The following LMBR1 variants were observed in gnomAD, a reference collection of about 807,000 sequenced individuals.
LMBR1 encodes limb development membrane protein 1.
A neutral mutation model predicts 73.9 loss-of-function variants in LMBR1; 52 were observed. That is an observed-to-expected ratio of 0.70 (90% CI 0.56 to 0.89). The LOEUF (loss-of-function observed/expected upper bound fraction) is 0.89, where lower values mean the gene tolerates loss of function less well. LMBR1 is among the 40% of genes least tolerant of loss of function. The pLI, the probability that LMBR1 is intolerant of heterozygous loss-of-function variation, is 0.00. For synonymous variants in LMBR1, 215 were observed against 209.4 expected (o/e 1.03, Z -0.23); for missense variants, 539 against 579.8 (o/e 0.93, Z 0.72).
At chr7:156,748,863 A>G (rs1167090739) in intron 9 of LMBR1, among the ~76,000 whole-genome samples, 3 of 152,176 alleles carry the variant, frequency 2.0e-5, no homozygotes, top group Non-Finnish European at 4.4e-5. Context: ...AACTCATTCT[A>G]TAGTTCATTA....
chr7:156,859,297 G>A (rs978400568), intron 1 of LMBR1, among the ~76,000 whole-genome samples: 1 of 150,860 alleles, frequency 6.6e-6, no homozygotes, highest in African/African-American at 2.4e-5. Flanking sequence ...TGGAATCAAG[G>A]CAAAGATATC....
intron 1 of LMBR1, among the ~76,000 whole-genome samples, chr7:156,872,643 G>A (rs575022093): frequency 4.8e-4 from 72 of 149,774 alleles, no homozygotes; most frequent in African/African-American, 1.6e-3. Context: ...GCAAAACTCC[G>A]TCTCAAAAAA....
intron 14 of LMBR1, 147 bp downstream of exon 14, chr7:156,725,288 C>G: frequency 1.8e-6 from 1 of 557,886 alleles, no homozygotes; most frequent in Non-Finnish European, 3.3e-6. Context: ...ACTCACTCAG[C>G]ATTTTGAAAA....
chr7:156,824,253 C>T (rs959961732), intron 4 of LMBR1, among the ~76,000 whole-genome samples: 2 of 152,030 alleles, frequency 1.3e-5, no homozygotes, highest in African/African-American at 2.4e-5. Context: ...AATAAGGGAG[C>T]GGTTGGTGTT....
At chr7:156,826,498 A>T in intron 4 of LMBR1, 107 bp downstream of exon 4, 1 of 696,804 alleles carries the variant, frequency 1.4e-6, no homozygotes, top group Non-Finnish European at 2.1e-6. Flanking sequence ...CGTTTACTGG[A>T]GGAAGTCACA....
downstream of LMBR1, among the ~76,000 whole-genome samples, chr7:156,675,101 G>C (rs536476581): frequency 8.5e-4 from 130 of 152,330 alleles, no homozygotes; most frequent in Middle Eastern, 0.014. Flanking sequence ...AGCGCAGACC[G>C]GAAGAGATAG....
At chr7:156,770,300 C>T (rs968755246) in intron 5 of LMBR1, among the ~76,000 whole-genome samples, 17 of 151,898 alleles carry the variant, frequency 1.1e-4, no homozygotes, top group African/African-American at 3.9e-4. Flanking sequence ...ATTACAAGTG[C>T]GCACCACCCT....
chr7:156,675,389 G>A (rs1585133468), downstream of LMBR1, among the ~76,000 whole-genome samples: 1 of 152,150 alleles, frequency 6.6e-6, no homozygotes, highest in East Asian at 1.9e-4. Flanking sequence ...GGTCCCTCCT[G>A]CAGCTGTCAT....
chr7:156,828,821 G>C (rs1051251743), intron 3 of LMBR1, among the ~76,000 whole-genome samples: 1 of 152,108 alleles, frequency 6.6e-6, no homozygotes, highest in Non-Finnish European at 1.5e-5. Flanking sequence ...GTTTCTCTTC[G>C]AATAATCTGA....
intron 4 of LMBR1, among the ~76,000 whole-genome samples, chr7:156,810,924 C>T: frequency 6.6e-6 from 1 of 151,740 alleles, no homozygotes; most frequent in Non-Finnish European, 1.5e-5. Context: ...GATTCTCCTC[C>T]CTCAGCCTCC....
intron 15 of LMBR1, among the ~76,000 whole-genome samples, chr7:156,723,067 C>T (rs1355526088): frequency 1.3e-5 from 2 of 152,044 alleles, no homozygotes; most frequent in Admixed American, 6.6e-5. Flanking sequence ...ATTACAAGTC[C>T]TATAAAGCAA....
chr7:156,834,487 A>G, intron 2 of LMBR1: 1 of 277,364 alleles, frequency 3.6e-6, no homozygotes, highest in Non-Finnish European at 7.1e-6. Flanking sequence ...CCTGTAGTGC[A>G]GGATACTCAG....
chr7:156,787,407 T>G (rs1208825347), intron 5 of LMBR1, among the ~76,000 whole-genome samples: 1 of 152,192 alleles, frequency 6.6e-6, no homozygotes, highest in Non-Finnish European at 1.5e-5. Flanking sequence ...TATATAGTTA[T>G]ATTTTTGACA....
intron 9 of LMBR1, among the ~76,000 whole-genome samples, 197 bp downstream of exon 9, chr7:156,756,196 C>T (rs1821838944): frequency 6.6e-6 from 1 of 152,128 alleles, no homozygotes; most frequent in Admixed American, 6.6e-5. Flanking sequence ...ATGGGTCCTG[C>T]TAGGTTACAG....
intron 1 of LMBR1, among the ~76,000 whole-genome samples, chr7:156,863,104 A>T (rs1337039040): frequency 6.6e-6 from 1 of 152,210 alleles, no homozygotes; most frequent in African/African-American, 2.4e-5. Flanking sequence ...AACTAATAGA[A>T]GATATATATA....
intron 15 of LMBR1, among the ~76,000 whole-genome samples, chr7:156,723,044 A>G (rs1056900550): frequency 5.3e-5 from 8 of 152,166 alleles, no homozygotes; most frequent in Non-Finnish European, 1.0e-4. Flanking sequence ...TCACATAAGC[A>G]GATGTCAAAA....
At chr7:156,892,379 A>T (rs1803184516) in intron 1 of LMBR1, 1 of 152,178 alleles carries the variant, frequency 6.6e-6, no homozygotes, top group Non-Finnish European at 1.5e-5. Context: ...TCCAAACGCG[A>T]GAGGCGGGCG....
intron 5 of LMBR1, among the ~76,000 whole-genome samples, chr7:156,774,484 T>C (rs865940119): frequency 6.6e-6 from 1 of 152,182 alleles, no homozygotes; most frequent in Non-Finnish European, 1.5e-5. Context: ...AAGGGCAGAC[T>C]GAATGAAGAA....
At chr7:156,764,675 A>G (rs533306258) in intron 5 of LMBR1, among the ~76,000 whole-genome samples, 2 of 152,224 alleles carry the variant, frequency 1.3e-5, no homozygotes, top group Non-Finnish European at 2.9e-5. Flanking sequence ...ATCTCATTCC[A>G]CATTTAACAT....
Sources: gnomAD v4.1 joint callset for allele counts (sites outside exome capture counted in the v4.1 genomes callset) on GRCh38, gnomAD v4.1.1 for gene constraint, MANE v1.5 for transcripts, NCBI Gene and HGNC (gene_info 2026-07-23, HGNC 2026-07-21) for gene names.